IL6ST: variants seen among roughly 807,000 people sequenced by gnomAD.
The protein encoded by IL6ST is interleukin-6 receptor subunit beta.
A neutral mutation model predicts 91.3 loss-of-function variants in IL6ST; 24 were observed. The ratio of observed to expected loss-of-function variants is 0.26; its 90% CI spans 0.19 to 0.37. IL6ST has a LOEUF of 0.37. IL6ST is among the 10% of genes least tolerant of loss of function. IL6ST has a pLI of 1.00. For missense variants in IL6ST, 914 were observed against 1,078.5 expected (o/e 0.85, Z 2.14); for synonymous variants, 351 against 373.6 (o/e 0.94, Z 0.70).
In IL6ST at chr5:55,936,380, G is replaced by A. The variant is rs1050597539; in HGVS notation, c.*4702C>T. On this transcript the variant is annotated 3_prime_UTR_variant, in exon 17 of 17. Transcript: ENST00000381298. ...TTTTTTTTTTAATGTCCACTAGGAGGGAGGATGCTACGATTTCAGACCTCA... is the reference window on the plus strand; with the variant it reads ...TTTTTTTTTTAATGTCCACTAGGAGAGAGGATGCTACGATTTCAGACCTCA... The A allele has an allele frequency of 4.5e-6, 1 of 223,102 alleles. No homozygotes were observed. Among genetic ancestry groups the A allele is most frequent in the African/African-American group, 2.3e-5 (1 of 44,156 alleles). The allele number at this position is 223,102 out of a possible 1,614,324, so 13.8% of individuals were successfully genotyped here.
chr5:55,964,377 A>T lies in IL6ST; in HGVS notation c.492-65T>A, dbSNP rs1322082372. ...ATCTGAAAAAATTAGAGTGAAAAAA[A>T]TTACTTGCAAAGAGTTTGATGAGAC... On this transcript the variant is annotated intron_variant, in intron 5 of 16. Transcript: ENST00000381298. The T allele has an allele frequency of 2.5e-6, 3 of 1,194,538 alleles. No homozygotes were observed. In the Admixed American group the frequency reaches 6.5e-5, roughly 26 times the overall value. 74.0% of individuals were successfully genotyped at this position (1,194,538 alleles called of 1,614,324 possible).
chr5:55,988,799 A>G (rs1754141347), intron 1 of IL6ST, among the ~76,000 whole-genome samples: 2 of 146,876 alleles, frequency 1.4e-5, no homozygotes, highest in South Asian at 2.2e-4. Context: ...CCTACATACC[A>G]GTAATAACTA....
chr5:55,982,446 T>G (rs1008649638), intron 2 of IL6ST, among the ~76,000 whole-genome samples: 2 of 152,158 alleles, frequency 1.3e-5, no homozygotes, highest in African/African-American at 4.8e-5. Context: ...AGTGTTACTG[T>G]GAATAAACTG....
intron 15 of IL6ST, among the ~76,000 whole-genome samples, chr5:55,946,383 T>A (rs1482324594): frequency 6.6e-6 from 1 of 152,236 alleles, no homozygotes; most frequent in Non-Finnish European, 1.5e-5. Flanking sequence ...GGAAAACATA[T>A]GCTCGCACAG....
intron 8 of IL6ST, chr5:55,959,716 T>G (rs1752193062): frequency 1.0e-6 from 1 of 985,776 alleles, no homozygotes; most frequent in Admixed American, 2.4e-5. Flanking sequence ...AAGTATATTT[T>G]TGATAGTGGG....
chr5:55,966,024 A>G (rs1752610632), intron 5 of IL6ST, among the ~76,000 whole-genome samples: 1 of 152,198 alleles, frequency 6.6e-6, no homozygotes, highest in African/African-American at 2.4e-5. Context: ...TATTAAACCT[A>G]TCTTGCTTCT....
intron 1 of IL6ST, among the ~76,000 whole-genome samples, chr5:55,989,374 A>G (rs1234282190): frequency 6.6e-6 from 1 of 152,170 alleles, no homozygotes; most frequent in Admixed American, 6.5e-5. Flanking sequence ...AAGAAAAAAA[A>G]GAACCCCATT....
At chr5:55,990,606 G>T (rs1436137579) in intron 1 of IL6ST, among the ~76,000 whole-genome samples, 1 of 152,040 alleles carries the variant, frequency 6.6e-6, no homozygotes, top group Non-Finnish European at 1.5e-5. Context: ...AAGAATTTTG[G>T]CTTGGATCTT....
chr5:55,969,798 T>C lies in IL6ST; in HGVS notation c.122A>G (p.His41Arg), dbSNP rs747982346. Reference protein sequence around the residue: ...ISPESPVVQLHSNFTAVCVLK... With the variant: ...ISPESPVVQLRSNFTAVCVLK... ...CACACAAACTGCAGTGAAATTAGAA[T>C]GAAGTTGTACAACTGGAGATTCAGG... The change falls in exon 4 of 17, where the codon CAT (histidine) becomes CGT (arginine). Residue 41 changes from histidine to arginine, a missense_variant. Physicochemically the swap from His to Arg is conservative, Grantham distance 29. Transcript: ENST00000381298. The C allele has an allele frequency of 1.9e-6, 3 of 1,611,536 alleles. No individual in the cohort carries two copies. Among genetic ancestry groups the C allele is most frequent in the Non-Finnish European group, 2.5e-6 (3 of 1,177,804 alleles).
intron 10 of IL6ST, among the ~76,000 whole-genome samples, chr5:55,955,396 G>A (rs974676515): frequency 6.6e-6 from 1 of 152,146 alleles, no homozygotes; most frequent in African/African-American, 2.4e-5. Flanking sequence ...GGCAGAGGCT[G>A]AGATCGTGCC....
intron 8 of IL6ST, among the ~76,000 whole-genome samples, chr5:55,958,360 A>ATT (rs1752109235): frequency 6.6e-6 from 1 of 152,226 alleles, no homozygotes; most frequent in Non-Finnish European, 1.5e-5. Context: ...AATGTAGCAT[A>ATT]TAATTTTTAA....
chr5:55,967,309 C>CAAAAAAAAAAAAAAAAAAAAAAA (rs60547666), intron 5 of IL6ST, among the ~76,000 whole-genome samples: 2 of 31,904 alleles, frequency 6.3e-5, no homozygotes, highest in African/African-American at 1.8e-4. Context: ...GACTCCATCT[C>CAAAAAAAAAAAAAAAAAAAAAAA]AAAAAAAAAA....
chr5:55,985,520 CAA>C (rs34568464), intron 1 of IL6ST, among the ~76,000 whole-genome samples: 1 of 131,256 alleles, frequency 7.6e-6, no homozygotes, highest in African/African-American at 3.0e-5. Flanking sequence ...GACTCCTTCT[CAA>C]AAAAAAAAAA....
intron 2 of IL6ST, among the ~76,000 whole-genome samples, chr5:55,979,258 A>T (rs1420626891): frequency 6.6e-6 from 1 of 152,184 alleles, no homozygotes; most frequent in Non-Finnish European, 1.5e-5. Context: ...AAAAAAGGCA[A>T]GAAAGTACGC....
rs1750472474 is a variant in IL6ST, at chr5:55,935,659, C to CT, written c.*5422dup. The CT allele has an allele frequency of 1.4e-5, 3 of 219,330 alleles. No individual in the cohort carries two copies. In the East Asian group the frequency reaches 2.0e-4, roughly 15 times the overall value. The allele number at this position is 219,330 out of a possible 1,614,324, so 13.6% of individuals were successfully genotyped here. A position where few individuals can be genotyped will look rare whatever the true frequency, so the allele number is the denominator to read the frequency against. On this transcript the variant is annotated 3_prime_UTR_variant, in exon 17 of 17. Coordinates refer to ENST00000381298, the MANE Select transcript of IL6ST (RefSeq NM_002184.4). ...GTTCCTCTTTGCTTGTAGTCTTTCA[C>CT]TCCATTAACTTGCCCAAGCACTGGA...
intron 8 of IL6ST, 21 bp from the exon 9 acceptor site, chr5:55,957,312 C>A: frequency 8.2e-7 from 1 of 1,224,980 alleles, no homozygotes; most frequent in South Asian, 1.4e-5. Context: ...GACATAAACT[C>A]CTTAAAATAA....
intron 15 of IL6ST, among the ~76,000 whole-genome samples, chr5:55,946,841 T>C (rs893755262): frequency 4.6e-5 from 7 of 150,930 alleles, no homozygotes; most frequent in African/African-American, 1.7e-4. Flanking sequence ...GAGAAGTATA[T>C]GCAACATCAT....
In IL6ST at chr5:55,937,822, A is replaced by G. The variant is rs1462673685; in HGVS notation, c.*3260T>C. The stretch of plus-strand genomic sequence containing the variant: ...CAACAAAATAAAACTTTATTGAAAC[A>G]AAAGTGTATGGTTTAGGAATATGCT... On this transcript the variant is annotated 3_prime_UTR_variant, in exon 17 of 17. Coordinates refer to ENST00000381298, the MANE Select transcript of IL6ST (RefSeq NM_002184.4). 2.1e-5 allele frequency: 4 copies of G among 194,934 alleles called. No homozygotes were observed. The highest frequency in any genetic ancestry group is 4.3e-5 in the Non-Finnish European group (4 of 93,722). The allele number at this position is 194,934 out of a possible 1,614,324, so 12.1% of individuals were successfully genotyped here. A position where few individuals can be genotyped will look rare whatever the true frequency, so the allele number is the denominator to read the frequency against.
chr5:55,979,025 T>C (rs920136933), intron 2 of IL6ST, among the ~76,000 whole-genome samples: 4 of 152,186 alleles, frequency 2.6e-5, no homozygotes, highest in Non-Finnish European at 4.4e-5. Context: ...ATTCAAGTAA[T>C]TGAATCACAG....
Sources: allele counts gnomAD v4.1 joint callset (sites outside exome capture counted in the v4.1 genomes callset), GRCh38; gene constraint gnomAD v4.1.1; transcripts MANE v1.5; gene names NCBI Gene and HGNC (gene_info 2026-07-23, HGNC 2026-07-21).